The following PDE10A variants were observed in gnomAD, a reference collection of about 807,000 sequenced individuals.
PDE10A encodes phosphodiesterase 10A, also known as cAMP and cAMP-inhibited cGMP 3',5'-cyclic phosphodiesterase 10A.
In PDE10A, 39 loss-of-function variants were observed where a neutral mutation model predicts 97.7. The observed-to-expected ratio is 0.40, with a 90% CI of 0.31 to 0.52. The LOEUF (loss-of-function observed/expected upper bound fraction) is 0.52. Among genes scored for constraint, PDE10A ranks in the 20% least tolerant of loss-of-function variants. The pLI, the probability that PDE10A is intolerant of heterozygous loss-of-function variation, is 0.56. For missense variants in PDE10A, 731 were observed against 1,047.8 expected (o/e 0.70, Z 4.17); for synonymous variants, 371 against 376.8 (o/e 0.98, Z 0.18).
intron 1 of PDE10A, among the ~76,000 whole-genome samples, chr6:165,726,277 C>A (rs1406385737): frequency 6.6e-6 from 1 of 151,754 alleles, no homozygotes; most frequent in East Asian, 1.9e-4. Context: ...CTAAAGCAAG[C>A]AAATAAATGA....
chr6:165,876,320 CCTTA>C, intron 1 of PDE10A, among the ~76,000 whole-genome samples: 1 of 152,220 alleles, frequency 6.6e-6, no homozygotes, highest in East Asian at 1.9e-4. Flanking sequence ...AAAATCTAAA[CCTTA>C]CTTAATCCAG....
intron 1 of PDE10A, among the ~76,000 whole-genome samples, chr6:165,906,457 G>A (rs531216043): frequency 6.6e-6 from 1 of 152,244 alleles, no homozygotes; most frequent in South Asian, 2.1e-4. Flanking sequence ...AGGTCCTGTA[G>A]AGCACTGTTT....
intron 1 of PDE10A, chr6:165,985,967 GA>G: frequency 6.5e-6 from 1 of 152,768 alleles, no homozygotes; most frequent in South Asian, 2.1e-4. Context: ...ATCTGTGGGG[GA>G]AAAGTCTACT....
intron 2 of PDE10A, among the ~76,000 whole-genome samples, chr6:165,522,953 T>A (rs1404063050): frequency 6.6e-6 from 1 of 151,780 alleles, no homozygotes; most frequent in African/African-American, 2.4e-5. Flanking sequence ...TGTACAAAAA[T>A]CAATAGTGTT....
chr6:165,902,554 A>C (rs766053515), intron 1 of PDE10A, among the ~76,000 whole-genome samples: 22 of 152,176 alleles, frequency 1.4e-4, no homozygotes, highest in Non-Finnish European at 2.8e-4. Flanking sequence ...TCTCTTCGGC[A>C]TTCCTTATTT....
chr6:165,954,367 C>T (rs917922096), intron 1 of PDE10A, among the ~76,000 whole-genome samples: 15 of 152,162 alleles, frequency 9.9e-5, no homozygotes, highest in Non-Finnish European at 1.8e-4. Flanking sequence ...GTGGTGGCTG[C>T]ATAATAACTG....
intron 1 of PDE10A, among the ~76,000 whole-genome samples, chr6:165,839,873 CTGCA>C (rs1485553507): frequency 1.8e-4 from 10 of 56,124 alleles, no homozygotes; most frequent in South Asian, 5.5e-4. Flanking sequence ...CCATTCCCAT[CTGCA>C]CCTCTGTCTC....
At chr6:165,744,313 C>T (rs1216493716) in intron 1 of PDE10A, among the ~76,000 whole-genome samples, 2 of 152,170 alleles carry the variant, frequency 1.3e-5, no homozygotes, top group African/African-American at 4.8e-5. Flanking sequence ...ATAGTAAAGA[C>T]TGTGCCAGTT....
chr6:165,950,651 A>G (rs1783924444), intron 1 of PDE10A, among the ~76,000 whole-genome samples: 1 of 152,186 alleles, frequency 6.6e-6, no homozygotes, highest in Non-Finnish European at 1.5e-5. Context: ...GCGGCCTTCT[A>G]GTCAGGAGGA....
chr6:165,843,744 T>C lies in PDE10A; in HGVS notation c.-615+143785A>G, dbSNP rs540522202. Among the ~76,000 whole-genome samples, 278 of 152,304 alleles carry C rather than the reference T, an allele frequency of 1.8e-3. 1 individual carries two copies. The highest frequency in any genetic ancestry group is 6.5e-3 in the African/African-American group (269 of 41,580). On this transcript the variant is annotated intron_variant, in intron 1 of 19. Transcript: ENST00000366882. ...TCAGGCCACAGCAGAGAGGGGAATGTTGGCGCGACAGGTGCAGAGAAAATA... is the reference window on the plus strand; with the variant it reads ...TCAGGCCACAGCAGAGAGGGGAATGCTGGCGCGACAGGTGCAGAGAAAATA...
intron 1 of PDE10A, among the ~76,000 whole-genome samples, chr6:165,770,933 C>T (rs955748009): frequency 6.6e-6 from 1 of 152,178 alleles, no homozygotes; most frequent in Admixed American, 6.5e-5. Flanking sequence ...ATCCTGTAAA[C>T]GGTATCTTTT....
At chr6:165,416,326 C>A (rs1291927117) in intron 11 of PDE10A, 45 bp from the exon 12 acceptor site, 1 of 1,183,188 alleles carries the variant, frequency 8.5e-7, no homozygotes. Flanking sequence ...AATATGGACT[C>A]TGTAGAATAA....
chr6:165,760,531 G>C (rs1189545318), intron 1 of PDE10A, among the ~76,000 whole-genome samples: 1 of 152,200 alleles, frequency 6.6e-6, no homozygotes, highest in Admixed American at 6.5e-5. Context: ...ATAACACCAG[G>C]TAAGAGGTTT....
chr6:165,383,511 C>T (rs999310734), intron 17 of PDE10A, among the ~76,000 whole-genome samples: 9 of 152,102 alleles, frequency 5.9e-5, no homozygotes, highest in Non-Finnish European at 5.9e-5. Context: ...TTCTCTGCCC[C>T]ACCGGACACA....
intron 1 of PDE10A, among the ~76,000 whole-genome samples, chr6:165,659,660 C>T (rs1330481641): frequency 6.6e-6 from 1 of 152,260 alleles, no homozygotes; most frequent in Non-Finnish European, 1.5e-5. Context: ...GCCAAAGCTA[C>T]TGCTCAGGGC....
At chr6:165,459,502 T>C (rs1216443711) in intron 3 of PDE10A, among the ~76,000 whole-genome samples, 3 of 48,110 alleles carry the variant, frequency 6.2e-5, no homozygotes, top group African/African-American at 1.9e-4. Context: ...GATAGATAGA[T>C]AGATAGATAG....
At chr6:165,592,233 G>A (rs1225199558) in intron 1 of PDE10A, among the ~76,000 whole-genome samples, 2 of 152,202 alleles carry the variant, frequency 1.3e-5, no homozygotes, top group East Asian at 3.9e-4. Context: ...AATAAATGGT[G>A]TAGGGAAAAC....
chr6:165,845,589 A>T (rs1390478268), intron 1 of PDE10A, among the ~76,000 whole-genome samples: 1 of 152,208 alleles, frequency 6.6e-6, no homozygotes. Context: ...AATCTAGAGG[A>T]TATGTTGAAA....
intron 3 of PDE10A, among the ~76,000 whole-genome samples, chr6:165,481,404 T>C (rs1356541788): frequency 6.6e-6 from 1 of 151,896 alleles, no homozygotes; most frequent in African/African-American, 2.4e-5. Flanking sequence ...CCCTCCCCTA[T>C]CTCCACACCC....
Sources: gnomAD v4.1 joint callset for allele counts (sites outside exome capture counted in the v4.1 genomes callset) on GRCh38, gnomAD v4.1.1 for gene constraint, MANE v1.5 for transcripts, NCBI Gene and HGNC (gene_info 2026-07-23, HGNC 2026-07-21) for gene names.